Variants in CACNG5 observed in about 807,000 individuals in gnomAD.
CACNG5 encodes voltage-dependent calcium channel gamma-5 subunit.
Under a neutral mutation model 24.8 loss-of-function variants are expected in CACNG5, and 18 were observed. The observed-to-expected ratio is 0.73, with a 90% CI of 0.50 to 1.08. The LOEUF (loss-of-function observed/expected upper bound fraction) is 1.08, where lower values mean the gene tolerates loss of function less well. CACNG5 is among the 50% of genes least tolerant of loss of function. CACNG5 has a pLI of 0.00. For synonymous variants in CACNG5, 157 were observed against 149.1 expected, an observed-to-expected ratio of 1.05 and a Z score of -0.39; for missense variants, 349 against 367.9, an observed-to-expected ratio of 0.95 and a Z score of 0.42.
intron 1 of CACNG5, among the ~76,000 whole-genome samples, chr17:66,854,363 G>A (rs1568064546): frequency 6.6e-6 from 1 of 150,676 alleles, no homozygotes; most frequent in African/African-American, 2.4e-5. Flanking sequence ...GGGAGGCAGA[G>A]TGCAGTGAGC....
At chr17:66,869,707 A>G (rs961105570) in intron 1 of CACNG5, among the ~76,000 whole-genome samples, 2 of 152,172 alleles carry the variant, frequency 1.3e-5, no homozygotes, top group African/African-American at 4.8e-5. Context: ...TTTATATCAC[A>G]TCTAGGTAGT....
rs868347222 is a variant in CACNG5 at position 66,880,647 on chromosome 17, C to T, written c.374C>T (p.Pro125Leu). 2 of 1,614,226 alleles carry T rather than the reference C, an allele frequency of 1.2e-6. No homozygotes were observed. The highest frequency in any genetic ancestry group is 4.5e-5 in the East Asian group (2 of 44,884). The change falls in exon 4 of 6, where the codon CCC (proline) becomes CTC (leucine). Residue 125 changes from proline to leucine, a missense_variant. Coordinates refer to ENST00000533854, the MANE Select transcript of CACNG5 (RefSeq NM_145811.3). ...CTGAACAACATCGGACACATCCGTC[C>T]CCACCGGACGATACTGGCCTTTGTC... is the stretch of plus-strand genomic sequence containing the variant. ...FILNNIGHIRPHRTILAFVSG... is the reference protein window; with the variant it reads ...FILNNIGHIRLHRTILAFVSG...
chr17:66,835,397 T>C (rs909206933), intron 1 of CACNG5, 147 bp downstream of exon 1: 5 of 152,400 alleles, frequency 3.3e-5, no homozygotes, highest in Non-Finnish European at 5.9e-5. Context: ...GCCCTAGCGA[T>C]CGCGCACCCT....
intron 1 of CACNG5, among the ~76,000 whole-genome samples, chr17:66,866,055 A>G (rs996045523): frequency 2.0e-5 from 3 of 152,122 alleles, no homozygotes; most frequent in Admixed American, 6.6e-5. Context: ...ATGCCCACAC[A>G]TATTTAGCTG....
At chr17:66,864,015 C>T (rs1404933273) in intron 1 of CACNG5, among the ~76,000 whole-genome samples, 3 of 152,156 alleles carry the variant, frequency 2.0e-5, no homozygotes, top group Non-Finnish European at 4.4e-5. Flanking sequence ...TGATTGAATG[C>T]TAGACATCTG....
At chr17:66,865,555 C>T (rs1019001169) in intron 1 of CACNG5, among the ~76,000 whole-genome samples, 1 of 152,024 alleles carries the variant, frequency 6.6e-6, no homozygotes, top group Admixed American at 6.5e-5. Flanking sequence ...GTCTATGTAG[C>T]AGGACATTTG....
At position 66,886,883 on chromosome 17, in the gene CACNG5, C is replaced by T. The variant is rs551246167; in HGVS notation, c.*1643C>T. On this transcript the variant is annotated 3_prime_UTR_variant, in exon 6 of 6. Transcript: ENST00000533854. The stretch of plus-strand genomic sequence containing the variant: ...GAGGCCTCTGTCCTTGGCTTGCAGA[C>T]GGCTACCTTCCCGCTGTGTCCTCAT... Among the ~76,000 whole-genome samples the T allele has an allele frequency of 3.9e-5, 6 of 152,294 alleles. No individual in the cohort carries two copies. The highest frequency in any genetic ancestry group is 2.1e-4 in the South Asian group (1 of 4,824).
chr17:66,866,420 C>A (rs1976931376), intron 1 of CACNG5, among the ~76,000 whole-genome samples: 1 of 152,124 alleles, frequency 6.6e-6, no homozygotes, highest in Admixed American at 6.5e-5. Context: ...GAGCACTCCA[C>A]CACACCTTAC....
chr17:66,875,488 G>A (rs767469579), intron 1 of CACNG5, among the ~76,000 whole-genome samples: 12 of 152,166 alleles, frequency 7.9e-5, no homozygotes, highest in Non-Finnish European at 1.5e-4. Context: ...CAGGGCCGGC[G>A]CTGTGGAATC....
chr17:66,885,345 C>A lies in CACNG5; in HGVS notation c.*105C>A, dbSNP rs1006623896. The stretch of plus-strand genomic sequence containing the variant: ...GCCTGTGGTTGACAGGCCCAGGCCA[C>A]CCATGCTTAGCTGTTGTCACTTGAC... On this transcript the variant is annotated 3_prime_UTR_variant, in exon 6 of 6. Coordinates refer to ENST00000533854, the MANE Select transcript of CACNG5 (RefSeq NM_145811.3). 71 of 1,379,084 alleles carry A rather than the reference C, an allele frequency of 5.1e-5. No individual in the cohort carries two copies. In the African/African-American group the frequency reaches 8.9e-4, roughly 17 times the overall value. 85.4% of individuals were successfully genotyped at this position (1,379,084 alleles called of 1,614,324 possible).
Position 66,838,607 on chromosome 17 carries a change from C to CCAAAAGAAAGATGTTTTAAGT in CACNG5, c.-104+3361_-104+3381dup, listed in dbSNP as rs764456957. ...GATGCTCCAGGGGGCAGAGCCTGGA[C>CCAAAAGAAAGATGTTTTAAGT]CAAAAGAAAGATGTTTTAAGTCAAC... On this transcript the variant is annotated intron_variant, in intron 1 of 5. Transcript: ENST00000533854. 1.9e-3 allele frequency among the ~76,000 whole-genome samples: 287 copies of CCAAAAGAAAGATGTTTTAAGT among 152,036 alleles called. 2 individuals are homozygous for CCAAAAGAAAGATGTTTTAAGT. The highest frequency in any genetic ancestry group is 6.2e-3 in the South Asian group (30 of 4,804).
At chr17:66,846,104 T>G (rs2143033679) in intron 1 of CACNG5, among the ~76,000 whole-genome samples, 1 of 152,316 alleles carries the variant, frequency 6.6e-6, no homozygotes, top group South Asian at 2.1e-4. Flanking sequence ...CAGTCTCCTT[T>G]AATATCCTCC....
intron 1 of CACNG5, among the ~76,000 whole-genome samples, chr17:66,838,397 TG>T (rs1278691158): frequency 2.0e-5 from 3 of 150,550 alleles, no homozygotes. Context: ...AGTTTTCCAG[TG>T]TGGGAGCAAG....
chr17:66,881,702 G>A (rs974327682), intron 4 of CACNG5, among the ~76,000 whole-genome samples: 39 of 152,130 alleles, frequency 2.6e-4, no homozygotes, highest in Admixed American at 2.4e-3. Context: ...GACTGCAAGG[G>A]GGCCAAGACC....
At chr17:66,858,557 G>A (rs180977110) in intron 1 of CACNG5, among the ~76,000 whole-genome samples, 1 of 152,146 alleles carries the variant, frequency 6.6e-6, no homozygotes, top group African/African-American at 2.4e-5. Flanking sequence ...AAGCAGGAGG[G>A]GTGGCATGAG....
intron 1 of CACNG5, among the ~76,000 whole-genome samples, chr17:66,861,163 A>T (rs1976852044): frequency 6.6e-6 from 1 of 152,250 alleles, no homozygotes; most frequent in Non-Finnish European, 1.5e-5. Flanking sequence ...TTTGACAATA[A>T]CAGCACAAAG....
At chr17:66,847,720 G>A (rs1287033478) in intron 1 of CACNG5, among the ~76,000 whole-genome samples, 2 of 152,084 alleles carry the variant, frequency 1.3e-5, no homozygotes, top group African/African-American at 4.8e-5. Flanking sequence ...GGCCCTAGGA[G>A]ACAGGAGACT....
In CACNG5 at chr17:66,877,246, A is replaced by G; in HGVS notation, c.-87A>G. 1 of 1,153,212 alleles carries G rather than the reference A, an allele frequency of 8.7e-7. No homozygotes were observed. The highest frequency in any genetic ancestry group is 1.4e-5 in the South Asian group (1 of 69,808). 71.4% of individuals were successfully genotyped at this position (1,153,212 alleles called of 1,614,324 possible). The stretch of plus-strand genomic sequence containing the variant: ...TCTTCTCAGAGCCGTGGGTACTGCC[A>G]CCTGCTCACCCACTCTCCCTAGCCC... On this transcript the variant is annotated 5_prime_UTR_variant, in exon 2 of 6. Coordinates refer to ENST00000533854, the MANE Select transcript of CACNG5 (RefSeq NM_145811.3).
In CACNG5 at chr17:66,893,147, G is replaced by T. The variant is rs1769611282; in HGVS notation, c.*7907G>T. On this transcript the variant is annotated 3_prime_UTR_variant, in exon 6 of 6. Coordinates refer to ENST00000533854, the MANE Select transcript of CACNG5 (RefSeq NM_145811.3). ...CATGACCGCACAGCTGGTAATATTTGCACTGCTCTGCTCTGCAAGTCCTGT... is the reference window on the plus strand; with the variant it reads ...CATGACCGCACAGCTGGTAATATTTTCACTGCTCTGCTCTGCAAGTCCTGT... Among the ~76,000 whole-genome samples, 1 of 152,178 alleles carries T rather than the reference G, an allele frequency of 6.6e-6. No individual in the cohort carries two copies. Among genetic ancestry groups the T allele is most frequent in the Non-Finnish European group, 1.5e-5 (1 of 68,044 alleles).
Sources: gnomAD v4.1 joint callset for allele counts (sites outside exome capture counted in the v4.1 genomes callset) on GRCh38, gnomAD v4.1.1 for gene constraint, MANE v1.5 for transcripts, NCBI Gene and HGNC (gene_info 2026-07-23, HGNC 2026-07-21) for gene names.